Variants in IL1RAPL1 observed in about 807,000 individuals in gnomAD.
IL1RAPL1 encodes the protein interleukin 1 receptor accessory protein like 1.
A neutral mutation model predicts 48.4 loss-of-function variants in IL1RAPL1; 3 were observed. That is an observed-to-expected ratio of 0.06 (90% CI 0.03 to 0.16). IL1RAPL1 has a LOEUF of 0.16. Ranked by LOEUF, IL1RAPL1 falls within the 10% of genes least tolerant of loss-of-function variation. The pLI is 1.00. For missense variants in IL1RAPL1, 349 were observed against 530.6 expected (o/e 0.66, Z 3.36); for synonymous variants, 185 against 187.7 (o/e 0.99, Z 0.12).
intron 6 of IL1RAPL1, among the ~76,000 whole-genome samples, chrX:29,722,390 C>A (rs1927658704): frequency 8.9e-6 from 1 of 112,066 alleles, no homozygotes; most frequent in African/African-American, 3.2e-5. Flanking sequence ...CAAGAGGAGA[C>A]AAATAGCCAC....
chrX:29,269,561 A>C (rs1453356279), intron 2 of IL1RAPL1, among the ~76,000 whole-genome samples: 1 of 110,797 alleles, frequency 9.0e-6, no homozygotes, highest in East Asian at 2.8e-4. Context: ...TATTTAAAGA[A>C]TGCCTGAAAT....
chrX:29,032,742 T>C (rs1395854570), intron 2 of IL1RAPL1, among the ~76,000 whole-genome samples: 1 of 70,439 alleles, frequency 1.4e-5, no homozygotes, highest in Non-Finnish European at 2.6e-5. Flanking sequence ...CACGTGGGCA[T>C]GCACACACAC....
chrX:28,836,758 G>A (rs1283230577), intron 2 of IL1RAPL1, among the ~76,000 whole-genome samples: 3 of 109,474 alleles, frequency 2.7e-5, no homozygotes, highest in African/African-American at 1.0e-4. Flanking sequence ...CATCATCATC[G>A]TCATCATCAT....
intron 2 of IL1RAPL1, among the ~76,000 whole-genome samples, chrX:29,097,241 A>G (rs1316821667): frequency 8.9e-6 from 1 of 112,268 alleles, no homozygotes; most frequent in Non-Finnish European, 1.9e-5. Context: ...GAGGAATAGA[A>G]AATCTATCAG....
chrX:29,450,334 C>T (rs1045689061), intron 5 of IL1RAPL1, among the ~76,000 whole-genome samples: 13 of 112,122 alleles, frequency 1.2e-4, no homozygotes, highest in African/African-American at 4.2e-4. Flanking sequence ...CACATACATT[C>T]CCAACTATCT....
intron 5 of IL1RAPL1, among the ~76,000 whole-genome samples, chrX:29,439,049 T>A (rs758887603): frequency 1.5e-4 from 17 of 111,149 alleles, no homozygotes; most frequent in Non-Finnish European, 3.2e-4. Flanking sequence ...TCTGTTAAAA[T>A]TTCCAGAAGA....
chrX:29,455,697 G>A (rs887498550), intron 5 of IL1RAPL1, among the ~76,000 whole-genome samples: 33 of 111,564 alleles, frequency 3.0e-4, no homozygotes, highest in Non-Finnish European at 5.7e-4. Flanking sequence ...TACATGATGT[G>A]AGTTCACACT....
chrX:28,875,965 C>T (rs781242106), intron 2 of IL1RAPL1, among the ~76,000 whole-genome samples: 2 of 111,382 alleles, frequency 1.8e-5, no homozygotes, highest in Admixed American at 1.9e-4. Flanking sequence ...TTAAAAAGAG[C>T]CTGGCACCTC....
At chrX:28,615,199 GTTTTTTT>G (rs778402885) in intron 1 of IL1RAPL1, among the ~76,000 whole-genome samples, 252 of 25,940 alleles carry the variant, frequency 9.7e-3, no homozygotes, top group African/African-American at 0.022. Context: ...ACTGTTGTCT[GTTTTTTT>G]TTTTTTTTTT....
chrX:28,932,803 C>T (rs1010540459), intron 2 of IL1RAPL1, among the ~76,000 whole-genome samples: 4 of 109,273 alleles, frequency 3.7e-5, no homozygotes, highest in African/African-American at 1.3e-4. Context: ...AAAGAAAACT[C>T]AGTCCCTAAA....
rs557726618 is a variant in IL1RAPL1 at position 29,166,262 on chromosome X, G to T, written c.83-116676G>T. 3.6e-4 allele frequency among the ~76,000 whole-genome samples: 40 copies of T among 112,388 alleles called. 1 individual carries two copies. The South Asian group carries it at 0.013, about 38-fold the overall frequency. The stretch of plus-strand genomic sequence containing the variant: ...AAAATGAAGAATAACACAAGGAAGT[G>T]CATGTAATTATTTTAATAACTTCAT... On this transcript the variant is annotated intron_variant, in intron 2 of 10. Transcript: ENST00000378993.
At chrX:29,076,782 G>A (rs4893603) in intron 2 of IL1RAPL1, among the ~76,000 whole-genome samples, 5,672 of 90,230 alleles carry the variant, frequency 0.063, 201 homozygotes, top group East Asian at 0.13. Context: ...CTATCTATCT[G>A]TCTGTCTGTC....
At chrX:29,647,347 CAAA>C (rs763429832) in intron 5 of IL1RAPL1, among the ~76,000 whole-genome samples, 3 of 54,581 alleles carry the variant, frequency 5.5e-5, no homozygotes, top group Non-Finnish European at 3.7e-5. Context: ...GACTCTGCCT[CAAA>C]AAAAAAAAAA....
intron 2 of IL1RAPL1, among the ~76,000 whole-genome samples, chrX:28,990,602 G>A (rs918692160): frequency 2.7e-5 from 3 of 111,523 alleles, no homozygotes; most frequent in Admixed American, 9.6e-5. Context: ...ATACCATCAG[G>A]TTGCCAAAGG....
At chrX:28,998,741 G>A (rs1925779269) in intron 2 of IL1RAPL1, among the ~76,000 whole-genome samples, 1 of 111,481 alleles carries the variant, frequency 9.0e-6, no homozygotes, top group Non-Finnish European at 1.9e-5. Flanking sequence ...AGCAACTAAG[G>A]GGAAGGTTAA....
intron 5 of IL1RAPL1, among the ~76,000 whole-genome samples, chrX:29,600,327 T>C (rs1024487037): frequency 3.6e-5 from 4 of 112,107 alleles, no homozygotes; most frequent in Non-Finnish European, 5.6e-5. Flanking sequence ...GCTACTGGGC[T>C]CTGGGCTGGT....
At chrX:29,373,891 T>C (rs1470517345) in intron 3 of IL1RAPL1, among the ~76,000 whole-genome samples, 4 of 89,374 alleles carry the variant, frequency 4.5e-5, no homozygotes, top group Non-Finnish European at 8.7e-5. Flanking sequence ...TTTTTTTTTT[T>C]TTGTGACGAG....
At chrX:29,295,485 C>A (rs1040034315) in intron 3 of IL1RAPL1, among the ~76,000 whole-genome samples, 2 of 111,971 alleles carry the variant, frequency 1.8e-5, no homozygotes, top group African/African-American at 3.2e-5. Context: ...ATCTTTGCAT[C>A]TTTGCATCTC....
intron 2 of IL1RAPL1, among the ~76,000 whole-genome samples, chrX:29,276,115 G>T (rs1000060705): frequency 9.0e-6 from 1 of 111,695 alleles, no homozygotes; most frequent in South Asian, 3.8e-4. Context: ...CCTCTAAATT[G>T]GGAAAAGGAT....
Sources: allele counts gnomAD v4.1 joint callset (sites outside exome capture counted in the v4.1 genomes callset), GRCh38; gene constraint gnomAD v4.1.1; transcripts MANE v1.5; gene names NCBI Gene and HGNC (gene_info 2026-07-23, HGNC 2026-07-21).